Variants in PRMT2 observed in about 807,000 individuals in gnomAD.
PRMT2 encodes the protein protein arginine N-methyltransferase 2.
In PRMT2, 26 loss-of-function variants were observed where a neutral mutation model predicts 57.6. The observed-to-expected ratio is 0.45, with a 90% CI of 0.33 to 0.63. The LOEUF (loss-of-function observed/expected upper bound fraction) is 0.63. PRMT2 is among the 20% of genes least tolerant of loss of function. The pLI, the probability that PRMT2 is intolerant of heterozygous loss-of-function variation, is 0.02. For synonymous variants in PRMT2, 219 were observed against 220.0 expected, an observed-to-expected ratio of 1.00 and a Z score of 0.04; for missense variants, 472 against 564.4, an observed-to-expected ratio of 0.84 and a Z score of 1.66.
intron 7 of PRMT2, chr21:46,654,807 A>G: frequency 1.3e-6 from 1 of 752,180 alleles, no homozygotes; most frequent in Non-Finnish European, 1.6e-6. Flanking sequence ...TTTAGCATCC[A>G]AGGATTTGAA....
rs1306182153 is a variant in PRMT2, at chr21:46,659,789, G to A, written c.830+869G>A. 4 of 985,336 alleles carry A rather than the reference G, an allele frequency of 4.1e-6. No individual in the cohort carries two copies. The African/African-American group carries it at 7.0e-5, about 17-fold the overall frequency. 61.0% of individuals were successfully genotyped at this position (985,336 alleles called of 1,614,324 possible). ...GAAGCCAGTGGCCGTCCAGAGGAAC[G>A]TGATTGAATTGCTGTATATCCATCT... On this transcript the variant is annotated intron_variant, in intron 8 of 11. Coordinates refer to ENST00000355680, the MANE Select transcript of PRMT2 (RefSeq NM_206962.4).
At position 46,658,565 on chromosome 21, in the gene PRMT2, G is replaced by A. The variant is rs770348516; in HGVS notation, c.655-180G>A. On this transcript the variant is annotated intron_variant, in intron 7 of 11. Coordinates refer to ENST00000355680, the MANE Select transcript of PRMT2 (RefSeq NM_206962.4). ...CCAGGCTGTGAGATGCATCAGTGAC[G>A]TGTGGGCATAAAATAAACCCTCGAG... 1.0e-4 allele frequency: 113 copies of A among 1,086,108 alleles called. 1 individual carries two copies. The highest frequency in any genetic ancestry group is 5.8e-4 in the Middle Eastern group (2 of 3,436). 67.3% of individuals were successfully genotyped at this position (1,086,108 alleles called of 1,614,324 possible).
At chr21:46,659,128 C>A in intron 8 of PRMT2, 1 of 1,284,752 alleles carries the variant, frequency 7.8e-7, no homozygotes, top group Non-Finnish European at 9.8e-7. Flanking sequence ...GGGTAGAATG[C>A]AAGGAACAAA....
chr21:46,641,299 C>T (rs2256070), intron 3 of PRMT2, among the ~76,000 whole-genome samples: 113,480 of 152,078 alleles, frequency 0.75, 42,540 homozygotes, highest in East Asian at 0.89. Flanking sequence ...AAGAATCAAG[C>T]GGAATTCCTG....
intron 7 of PRMT2, 47 bp from the exon 8 acceptor site, chr21:46,658,698 C>T (rs761672385): frequency 8.8e-6 from 14 of 1,597,144 alleles, no homozygotes; most frequent in Admixed American, 5.1e-5. Context: ...CCTGTGCAGC[C>T]GCGGGGCCTG....
Position 46,661,802 on chromosome 21 carries a change from C to G in PRMT2, c.963C>G (p.Thr321=). ...MRTVQISDLE[T]LRGELRFDIR... is the part of the protein sequence containing the mutation. ...GCCTTGTCATCTGCTTGACCCAGAC[C>G]CTGAGGGGCGAGCTGCGCTTCGACA... Residue 321 remains threonine (T), a splice_region_variant and synonymous_variant, in exon 10 of 12, where the codon ACC becomes ACG. Coordinates refer to ENST00000355680, the MANE Select transcript of PRMT2 (RefSeq NM_206962.4). The G allele has an allele frequency of 1.4e-6, 2 of 1,431,496 alleles. No homozygotes were observed. The highest frequency in any genetic ancestry group is 1.5e-5 in the South Asian group (1 of 67,772). 88.7% of individuals were successfully genotyped at this position (1,431,496 alleles called of 1,614,324 possible).
In PRMT2 at chr21:46,648,869, G is replaced by C. The variant is rs970405214; in HGVS notation, c.489+250G>C. 6.6e-5 allele frequency among the ~76,000 whole-genome samples: 10 copies of C among 152,242 alleles called. No homozygotes were observed. Among genetic ancestry groups the C allele is most frequent in the Non-Finnish European group, 2.9e-5 (2 of 68,042 alleles). On this transcript the variant is annotated intron_variant, in intron 6 of 11. Transcript: ENST00000355680. This position sits in a 1 kb window ranked among gnomAD's most constrained non-coding sequence, Gnocchi z 4.8. Reference sequence around the variant, plus strand: ...GCACAGACGGGAGTAGGGCAGAATAGACAATATCCCGTGAATTGCGTGGGG... The same window carrying C: ...GCACAGACGGGAGTAGGGCAGAATACACAATATCCCGTGAATTGCGTGGGG...
intron 10 of PRMT2, among the ~76,000 whole-genome samples, chr21:46,662,923 C>G (rs970146823): frequency 6.6e-6 from 1 of 152,168 alleles, no homozygotes; most frequent in Non-Finnish European, 1.5e-5. Flanking sequence ...AGCTAGATCA[C>G]CAGCCTCTGC....
At chr21:46,650,402 G>A (rs1443519844) in intron 7 of PRMT2, among the ~76,000 whole-genome samples, 2 of 152,216 alleles carry the variant, frequency 1.3e-5, no homozygotes, top group African/African-American at 2.4e-5. Context: ...CTGGGTGAAG[G>A]AGTGTGGAGT....
At position 46,658,822 on chromosome 21, in the gene PRMT2, G is replaced by A. The variant is rs924832324; in HGVS notation, c.732G>A (p.Met244Ile). ...LKEDGVIWPT[M>I]AALHLVPCSA... The stretch of plus-strand genomic sequence containing the variant: ...AGGACGGGGTCATTTGGCCCACCAT[G>A]GCTGCGTTGCACCTTGTGCCCTGCA... Residue 244 changes from methionine to isoleucine, a missense_variant, in exon 8 of 12, where the codon ATG (methionine) becomes ATA (isoleucine). Coordinates refer to ENST00000355680, the MANE Select transcript of PRMT2 (RefSeq NM_206962.4). The A allele has an allele frequency of 8.7e-6, 14 of 1,614,120 alleles. No homozygotes were observed. In the African/African-American group the frequency reaches 1.2e-4, roughly 14 times the overall value.
chr21:46,640,339 G>A (rs2061249813), intron 3 of PRMT2, among the ~76,000 whole-genome samples: 1 of 149,676 alleles, frequency 6.7e-6, no homozygotes, highest in Admixed American at 6.6e-5. Flanking sequence ...TGCATTCTGT[G>A]TTTTCATGTA....
chr21:46,652,412 A>G (rs1424749052), intron 7 of PRMT2: 1 of 1,061,002 alleles, frequency 9.4e-7, no homozygotes, highest in East Asian at 7.9e-5. Flanking sequence ...AAAGAGTTGC[A>G]ATAAGAAAAG....
intron 7 of PRMT2, chr21:46,654,939 C>T: frequency 1.2e-5 from 12 of 982,802 alleles, no homozygotes; most frequent in Non-Finnish European, 1.4e-5. Context: ...AGTGTACATA[C>T]ATAGAGTGAG....
At chr21:46,661,095 A>C in intron 9 of PRMT2, 133 bp downstream of exon 9, 1 of 896,384 alleles carries the variant, frequency 1.1e-6, no homozygotes, top group Non-Finnish European at 1.6e-6. Flanking sequence ...TTTATTATGC[A>C]AATAAGTGAA....
chr21:46,659,159 G>C (rs892472002), intron 8 of PRMT2: 5 of 1,249,108 alleles, frequency 4.0e-6, no homozygotes, highest in Non-Finnish European at 5.0e-6. Context: ...TGTGAAAAAG[G>C]TGGCATTACG....
chr21:46,658,779 G>A lies in PRMT2; in HGVS notation c.689G>A (p.Arg230Gln), dbSNP rs138927057. 6 of 1,614,186 alleles carry A rather than the reference G, an allele frequency of 3.7e-6. No individual in the cohort carries two copies. Among genetic ancestry groups the A allele is most frequent in the Admixed American group, 1.7e-5 (1 of 60,018 alleles). The change falls in exon 8 of 12, where the codon CGG (arginine) becomes CAG (glutamine). Residue 230 changes from arginine to glutamine, a missense_variant. Physicochemically the swap from Arg to Gln is conservative, Grantham distance 43. This residue lies in a region of PRMT2 where 243 missense variants were observed against 347.2 expected (regional missense o/e 0.70). Coordinates refer to ENST00000355680, the MANE Select transcript of PRMT2 (RefSeq NM_206962.4). The part of the protein sequence containing the change: ...EFMIESILYA[R>Q]DAWLKEDGVI... ...ATGATCGAGTCCATCCTGTATGCCC[G>A]GGATGCCTGGCTGAAGGAGGACGGG...
At chr21:46,656,205 C>G (rs1175319890) in intron 7 of PRMT2, among the ~76,000 whole-genome samples, 1 of 152,200 alleles carries the variant, frequency 6.6e-6, no homozygotes, top group Non-Finnish European at 1.5e-5. Flanking sequence ...ACCCTGTGGT[C>G]TCTGCACGTG....
intron 5 of PRMT2, among the ~76,000 whole-genome samples, chr21:46,646,864 C>G (rs2061373198): frequency 1.3e-5 from 2 of 152,186 alleles, no homozygotes; most frequent in African/African-American, 4.8e-5. Context: ...AAGAACAAAG[C>G]TTTGTTTCTC....
At chr21:46,650,700 G>A (rs2061436792) in intron 7 of PRMT2, among the ~76,000 whole-genome samples, 2 of 152,212 alleles carry the variant, frequency 1.3e-5, no homozygotes, top group South Asian at 4.1e-4. Context: ...AGAGGACAGA[G>A]CAGGAGTGAG....
Sources: gnomAD v4.1 joint callset for allele counts (sites outside exome capture counted in the v4.1 genomes callset) on GRCh38, gnomAD v4.1.1 for gene constraint, gnomAD v4.1.1 regional missense constraint, Gnocchi (gnomAD v3.1) non-coding constraint, MANE v1.5 for transcripts, NCBI Gene and HGNC (gene_info 2026-07-23, HGNC 2026-07-21) for gene names.